DMD: variants seen among roughly 807,000 people sequenced by gnomAD.
DMD encodes mutant dystrophin.
Under a neutral mutation model 330.1 loss-of-function variants are expected in DMD, and 63 were observed. That is an observed-to-expected ratio of 0.19 (90% CI 0.16 to 0.24). The LOEUF (loss-of-function observed/expected upper bound fraction) is 0.24, where lower values mean the gene tolerates loss of function less well. Ranked by LOEUF, DMD falls within the 10% of genes least tolerant of loss-of-function variation. The probability of loss-of-function intolerance (pLI) is 1.00; values close to 1 mark genes in which losing one functional copy is unlikely to be tolerated. For synonymous variants in DMD, 1,223 were observed against 959.8 expected (o/e 1.27, Z -5.07); for missense variants, 3,344 against 2,684.1 (o/e 1.25, Z -5.43).
intron 62 of DMD, among the ~76,000 whole-genome samples, chrX:31,322,661 A>G (rs1196043184): frequency 8.9e-6 from 1 of 112,035 alleles, no homozygotes; most frequent in Non-Finnish European, 1.9e-5. Flanking sequence ...AAGATCTAGG[A>G]CTGCTGTTAT....
chrX:31,653,636 T>A (rs73617093), intron 54 of DMD, among the ~76,000 whole-genome samples: 2,431 of 111,429 alleles, frequency 0.022, 70 homozygotes, highest in African/African-American at 0.075. Flanking sequence ...TGAAATCTCA[T>A]GACAGTGTCA....
At chrX:32,682,987 G>A (rs1209350857) in intron 9 of DMD, among the ~76,000 whole-genome samples, 1 of 111,522 alleles carries the variant, frequency 9.0e-6, no homozygotes. Flanking sequence ...GATTCACAGT[G>A]CACATTGGAA....
At position 32,815,516 on chromosome X, in the gene DMD, T is replaced by TACACACACAC. The variant is rs1231062329; in HGVS notation, c.530+951_530+952insGTGTGTGTGT. Among the ~76,000 whole-genome samples, 221 of 47,299 alleles carry TACACACACAC rather than the reference T, an allele frequency of 4.7e-3. 1 individual carries two copies. The highest frequency in any genetic ancestry group is 0.016 in the African/African-American group (210 of 13,325). 41.1% of individuals were successfully genotyped at this position (47,299 alleles called of 115,157 possible). A position where few individuals can be genotyped will look rare whatever the true frequency, so the allele number is the denominator to read the frequency against. On this transcript the variant is annotated intron_variant, in intron 6 of 78. Transcript: ENST00000357033. ...AAGCATATATATATATATATATATATATATACACACACACACACACATATA... is the reference window on the plus strand; with the variant it reads ...AAGCATATATATATATATATATATATACACACACACATATACACACACACACACACATATA...
chrX:31,198,675 C>A (rs1364760277), intron 67 of DMD, among the ~76,000 whole-genome samples: 1 of 112,277 alleles, frequency 8.9e-6, no homozygotes, highest in African/African-American at 3.2e-5. Flanking sequence ...TACAGTGTCA[C>A]AAAGTAATGC....
At chrX:32,561,750 C>CGG (rs2051041294) in intron 16 of DMD, among the ~76,000 whole-genome samples, 2 of 111,366 alleles carry the variant, frequency 1.8e-5, no homozygotes, top group African/African-American at 3.3e-5. Context: ...TACAATTCTC[C>CGG]AGGTTTAAAT....
intron 60 of DMD, among the ~76,000 whole-genome samples, chrX:31,414,819 C>A (rs983577948): frequency 5.3e-4 from 57 of 106,787 alleles, no homozygotes; most frequent in African/African-American, 2.0e-3. Context: ...AGCAGGCATG[C>A]ACACACACAC....
At chrX:32,629,937 T>A (rs1342108834) in intron 11 of DMD, among the ~76,000 whole-genome samples, 1 of 111,487 alleles carries the variant, frequency 9.0e-6, no homozygotes, top group African/African-American at 3.3e-5. Flanking sequence ...GTCTTTTTAC[T>A]CAAGATATGG....
chrX:31,961,741 T>G (rs1225307342), intron 45 of DMD, among the ~76,000 whole-genome samples: 1 of 51,028 alleles, frequency 2.0e-5, no homozygotes, highest in Non-Finnish European at 3.3e-5. Context: ...AAGGAAGCGG[T>G]TTTTTTTTTT....
At chrX:32,128,106 G>A (rs2096670657) in intron 44 of DMD, among the ~76,000 whole-genome samples, 1 of 111,941 alleles carries the variant, frequency 8.9e-6, no homozygotes, top group African/African-American at 3.2e-5. Flanking sequence ...TTCTATATAG[G>A]TATACTTTTT....
At chrX:32,559,140 A>G (rs2050710893) in intron 16 of DMD, among the ~76,000 whole-genome samples, 1 of 108,347 alleles carries the variant, frequency 9.2e-6, no homozygotes, top group Non-Finnish European at 1.9e-5. Context: ...TTTAGTAAAG[A>G]TGGGGTTTCA....
At chrX:32,326,595 C>G (rs1484941933) in intron 41 of DMD, among the ~76,000 whole-genome samples, 1 of 111,962 alleles carries the variant, frequency 8.9e-6, no homozygotes, top group African/African-American at 3.2e-5. Flanking sequence ...AACACTTTTG[C>G]ACATAGGTAA....
chrX:31,693,738 G>A (rs775756892), intron 52 of DMD, among the ~76,000 whole-genome samples: 40 of 111,642 alleles, frequency 3.6e-4, no homozygotes, highest in African/African-American at 1.0e-3. Flanking sequence ...AAAGATCTGC[G>A]TGTTGAAACT....
At chrX:32,562,466 G>A (rs1362109604) in intron 16 of DMD, among the ~76,000 whole-genome samples, 1 of 112,570 alleles carries the variant, frequency 8.9e-6, no homozygotes, top group African/African-American at 3.2e-5. Context: ...GTACAACTGG[G>A]TGCCTTGTCA....
rs151183144 is a variant in DMD at position 33,326,457 on chromosome X, A to C, written c.7+12802T>G. Among the ~76,000 whole-genome samples, 444 of 111,932 alleles carry C rather than the reference A, an allele frequency of 4.0e-3. 1 individual carries two copies. Among genetic ancestry groups the C allele is most frequent in the African/African-American group, 0.014 (430 of 30,874 alleles). On this transcript the variant is annotated intron_variant, in intron 1 of 17. Transcript: ENST00000288447. ...TTGGAGGATTATAAAGCATGTACCA[A>C]GTAAATATATGTGAATAAGAATTGT...
At chrX:32,509,236 T>C (rs2045013828) in intron 18 of DMD, among the ~76,000 whole-genome samples, 1 of 102,799 alleles carries the variant, frequency 9.7e-6, no homozygotes, top group African/African-American at 3.5e-5. Context: ...TCACTGAAAA[T>C]CGCCATTTCT....
intron 41 of DMD, among the ~76,000 whole-genome samples, chrX:32,324,985 C>G (rs533938814): frequency 9.9e-5 from 11 of 111,492 alleles, no homozygotes; most frequent in South Asian, 3.7e-4. Context: ...GATTCATCAT[C>G]TAAGACTTTC....
intron 7 of DMD, chrX:32,756,134 C>A (rs185312752): frequency 8.9e-6 from 1 of 112,298 alleles, no homozygotes; most frequent in East Asian, 2.8e-4. Flanking sequence ...AAGTAACTAT[C>A]ATTAAAATGC....
At chrX:31,230,493 A>G (rs2047087543) in intron 63 of DMD, among the ~76,000 whole-genome samples, 1 of 110,448 alleles carries the variant, frequency 9.1e-6, no homozygotes, top group Admixed American at 9.6e-5. Context: ...TTAAAAACAC[A>G]AAAAAATTAG....
chrX:31,569,641 T>C (rs28501397), intron 55 of DMD, among the ~76,000 whole-genome samples: 4,591 of 81,743 alleles, frequency 0.056, 142 homozygotes, highest in Non-Finnish European at 0.071. Context: ...CGTATATATA[T>C]GTATATACGT....
Sources: allele counts gnomAD v4.1 joint callset (sites outside exome capture counted in the v4.1 genomes callset), GRCh38; gene constraint gnomAD v4.1.1; transcripts MANE v1.5; gene names NCBI Gene and HGNC (gene_info 2026-07-23, HGNC 2026-07-21).